The following EIF2AK4 variants were observed in gnomAD, a reference collection of about 807,000 sequenced individuals.
EIF2AK4 encodes the protein eukaryotic translation initiation factor 2 alpha kinase 4.
Under a neutral mutation model 211.1 loss-of-function variants are expected in EIF2AK4, and 139 were observed. The ratio of observed to expected loss-of-function variants is 0.66; its 90% CI spans 0.57 to 0.76. The LOEUF (loss-of-function observed/expected upper bound fraction) is 0.76, where lower values mean the gene tolerates loss of function less well. Among genes scored for constraint, EIF2AK4 ranks in the 30% least tolerant of loss-of-function variants. EIF2AK4 has a pLI of 0.00. For synonymous variants in EIF2AK4, 710 were observed against 751.3 expected, an observed-to-expected ratio of 0.94 and a Z score of 0.90; for missense variants, 1,664 against 2,043.8, an observed-to-expected ratio of 0.81 and a Z score of 3.58.
At chr15:39,952,258 T>G (rs751567670) in intron 4 of EIF2AK4, among the ~76,000 whole-genome samples, 5 of 151,352 alleles carry the variant, frequency 3.3e-5, no homozygotes, top group Non-Finnish European at 7.4e-5. Flanking sequence ...CATCCAGGGC[T>G]GTTTGTTTTT....
intron 27 of EIF2AK4, among the ~76,000 whole-genome samples, chr15:40,015,523 C>T (rs1415694422): frequency 6.6e-6 from 1 of 152,160 alleles, no homozygotes; most frequent in African/African-American, 2.4e-5. Flanking sequence ...GACCCGCCCA[C>T]ATGATTCAGT....
chr15:39,991,439 G>C (rs1243692303), intron 16 of EIF2AK4: 3 of 152,264 alleles, frequency 2.0e-5, no homozygotes, highest in African/African-American at 7.2e-5. Flanking sequence ...TCCTATCTCT[G>C]CCACTGCTTT....
chr15:40,002,034 C>T (rs2035100112), intron 21 of EIF2AK4, among the ~76,000 whole-genome samples: 1 of 152,040 alleles, frequency 6.6e-6, no homozygotes, highest in African/African-American at 2.4e-5. Flanking sequence ...TATTATGTTT[C>T]TGTTTGCTTA....
chr15:40,020,844 C>G, intron 30 of EIF2AK4, 55 bp from the exon 31 acceptor site: 1 of 1,489,946 alleles, frequency 6.7e-7, no homozygotes, highest in Admixed American at 2.0e-5. Context: ...GCTGGTTTCA[C>G]TTCCATGCCT....
chr15:39,945,277 G>T (rs2034211958), intron 3 of EIF2AK4, among the ~76,000 whole-genome samples: 1 of 151,752 alleles, frequency 6.6e-6, no homozygotes, highest in South Asian at 2.1e-4. Flanking sequence ...ACCACACCCA[G>T]CCTGATTTAA....
chr15:39,940,538 T>C (rs922747245), intron 2 of EIF2AK4, among the ~76,000 whole-genome samples: 1 of 152,214 alleles, frequency 6.6e-6, no homozygotes, highest in Middle Eastern at 3.2e-3. Context: ...GTAACCATTC[T>C]TGGCCCCCAA....
At chr15:39,999,300 A>C (rs1433028586) in intron 20 of EIF2AK4, among the ~76,000 whole-genome samples, 1 of 152,126 alleles carries the variant, frequency 6.6e-6, no homozygotes, top group Non-Finnish European at 1.5e-5. Context: ...GACATAGGCT[A>C]ATATTGGCAT....
At chr15:40,016,080 C>T (rs2035299245) in intron 27 of EIF2AK4, among the ~76,000 whole-genome samples, 1 of 152,190 alleles carries the variant, frequency 6.6e-6, no homozygotes, top group Non-Finnish European at 1.5e-5. Flanking sequence ...GAATTTCTAG[C>T]TAATTCTGTA....
In EIF2AK4 at chr15:39,976,949, T is replaced by C. The variant is rs1869668297; in HGVS notation, c.2249+105T>C. 9.8e-6 allele frequency: 12 copies of C among 1,218,822 alleles called. 1 individual carries two copies. Among genetic ancestry groups the C allele is most frequent in the Non-Finnish European group, 1.3e-5 (12 of 928,380 alleles). The allele number at this position is 1,218,822 out of a possible 1,614,324, so 75.5% of individuals were successfully genotyped here. A position where few individuals can be genotyped will look rare whatever the true frequency, so the allele number is the denominator to read the frequency against. On this transcript the variant is annotated intron_variant, in intron 12 of 38. Transcript: ENST00000263791. Reference sequence around the variant, plus strand: ...ATTTCCTTCCTTCCTTCTTTCCTTCTTTTCTTTCTTTCCTTTTTTGAGATA... The same window carrying C: ...ATTTCCTTCCTTCCTTCTTTCCTTCCTTTCTTTCTTTCCTTTTTTGAGATA...
At chr15:39,940,248 A>G (rs1377954189) in intron 2 of EIF2AK4, among the ~76,000 whole-genome samples, 2 of 152,212 alleles carry the variant, frequency 1.3e-5, no homozygotes. Context: ...GAGAAAAACT[A>G]GTTAGAGCCA....
intron 10 of EIF2AK4, 86 bp from the exon 11 acceptor site, chr15:39,973,506 T>A (rs1003764647): frequency 2.0e-5 from 28 of 1,391,294 alleles, no homozygotes; most frequent in Non-Finnish European, 2.6e-5. Flanking sequence ...GGAGCTCTTC[T>A]TCCAGGGCTT....
chr15:39,978,311 A>G (rs1402347947), intron 13 of EIF2AK4, 164 bp downstream of exon 13: 1 of 384,708 alleles, frequency 2.6e-6, no homozygotes, highest in African/African-American at 2.1e-5. Flanking sequence ...ACCTGTGTTT[A>G]TTTATAGACC....
intron 2 of EIF2AK4, among the ~76,000 whole-genome samples, chr15:39,941,837 C>G (rs1006979812): frequency 6.6e-6 from 1 of 152,104 alleles, no homozygotes; most frequent in Non-Finnish European, 1.5e-5. Flanking sequence ...TGGCAGATAT[C>G]CCCTGGGGCC....
chr15:39,978,008 T>G (rs2034724968), intron 12 of EIF2AK4, 70 bp from the exon 13 acceptor site: 1 of 1,141,496 alleles, frequency 8.8e-7, no homozygotes, highest in Non-Finnish European at 1.3e-6. Context: ...TTCTAGTATT[T>G]AAAAATGTCC....
chr15:39,970,628 T>A (rs530159471), intron 9 of EIF2AK4, among the ~76,000 whole-genome samples: 13 of 152,206 alleles, frequency 8.5e-5, no homozygotes, highest in African/African-American at 3.1e-4. Context: ...TGATATTGCT[T>A]AAAAAAATCA....
chr15:40,011,425 C>G, intron 27 of EIF2AK4, 79 bp downstream of exon 27: 2 of 1,298,916 alleles, frequency 1.5e-6, no homozygotes, highest in Admixed American at 2.0e-5. Flanking sequence ...ATTCTCGTTG[C>G]AGTAGGGTAG....
Position 39,967,506 on chromosome 15 carries a change from TC to T in EIF2AK4, c.1181del (p.Ser394Ter). On this transcript the variant is annotated frameshift_variant, in exon 9 of 39. Coordinates refer to ENST00000263791, the MANE Select transcript of EIF2AK4 (RefSeq NM_001013703.4). LOFTEE classifies it high-confidence loss of function. ...GVSLAAHLSH[S>X]GPIPVHQLRR... The stretch of plus-strand genomic sequence containing the variant: ...CTCTCTTGCTGCACACCTGAGCCAC[TC>T]AGGCCCCATCCCTGTGCATCAGCTT... The T allele has an allele frequency of 6.2e-7, 1 of 1,614,146 alleles. No homozygotes were observed. Among genetic ancestry groups the T allele is most frequent in the Non-Finnish European group, 8.5e-7 (1 of 1,180,032 alleles).
rs1420777838 is a variant in EIF2AK4 at position 40,008,166 on chromosome 15, G to GA, written c.3550dup (p.Ile1184AsnfsTer36). 6.2e-7 allele frequency: 1 copy of GA among 1,608,822 alleles called. No homozygotes were observed. Among genetic ancestry groups the GA allele is most frequent in the Admixed American group, 1.7e-5 (1 of 58,678 alleles). Reference sequence around the variant, plus strand: ...TGCTGAAATTATCTACACTATCTATGAAATCATCCAAGAGTTTCCAGCACT... The same window carrying GA: ...TGCTGAAATTATCTACACTATCTATGAAAATCATCCAAGAGTTTCCAGCACT... On this transcript the variant is annotated frameshift_variant, in exon 25 of 39. Transcript: ENST00000263791. LOFTEE classifies it high-confidence loss of function.
chr15:40,020,846 T>G, intron 30 of EIF2AK4, 53 bp from the exon 31 acceptor site: 1 of 1,502,196 alleles, frequency 6.7e-7, no homozygotes, highest in Non-Finnish European at 9.0e-7. Flanking sequence ...TGGTTTCACT[T>G]CCATGCCTGC....
Sources: gnomAD v4.1 joint callset for allele counts (sites outside exome capture counted in the v4.1 genomes callset) on GRCh38, gnomAD v4.1.1 for gene constraint, MANE v1.5 for transcripts, NCBI Gene and HGNC (gene_info 2026-07-23, HGNC 2026-07-21) for gene names.